Variants in EXOC4 observed in about 807,000 individuals in gnomAD.
EXOC4 encodes the protein SEC8-like 1.
In EXOC4, 71 loss-of-function variants were observed where a neutral mutation model predicts 107.2. The observed-to-expected ratio is 0.66, with a 90% CI of 0.55 to 0.81. EXOC4 has a LOEUF of 0.81. Among genes scored for constraint, EXOC4 ranks in the 30% least tolerant of loss-of-function variants. The pLI is 0.00. For synonymous variants in EXOC4, 456 were observed against 441.2 expected, an observed-to-expected ratio of 1.03 and a Z score of -0.42; for missense variants, 1,108 against 1,189.6, an observed-to-expected ratio of 0.93 and a Z score of 1.01.
rs1467804111 is a variant in EXOC4, at chr7:133,677,640, G to A, written c.1514+47499G>A. ...TTAATTTCGCAAATATTTCTTAAAT[G>A]TTGGCTATGTGCAAAGAATTGTTTT... On this transcript the variant is annotated intron_variant, in intron 10 of 17. Transcript: ENST00000253861. Among the ~76,000 whole-genome samples, 4 of 152,166 alleles carry A rather than the reference G, an allele frequency of 2.6e-5. No homozygotes were observed. In the East Asian group the frequency reaches 7.7e-4, roughly 29 times the overall value.
At chr7:133,759,380 T>C (rs1411945144) in intron 10 of EXOC4, among the ~76,000 whole-genome samples, 1 of 152,206 alleles carries the variant, frequency 6.6e-6, no homozygotes, top group Non-Finnish European at 1.5e-5. Flanking sequence ...TACTAAATGA[T>C]GATGAGATGA....
chr7:133,903,817 C>A (rs1430108892), intron 12 of EXOC4, among the ~76,000 whole-genome samples: 2 of 152,096 alleles, frequency 1.3e-5, no homozygotes, highest in Non-Finnish European at 2.9e-5. Flanking sequence ...GGACCATGGA[C>A]TTTTATGAAG....
intron 7 of EXOC4, chr7:133,447,486 A>G (rs1448125346): frequency 6.6e-6 from 1 of 152,092 alleles, no homozygotes; most frequent in Non-Finnish European, 1.5e-5. Flanking sequence ...ACTTTTTTAT[A>G]TTCCTAGTAC....
chr7:133,990,245 G>T (rs1794219070), intron 14 of EXOC4, among the ~76,000 whole-genome samples: 2 of 150,788 alleles, frequency 1.3e-5, no homozygotes, highest in African/African-American at 4.9e-5. Flanking sequence ...GTGTATTTTT[G>T]TGCCCATTAA....
At chr7:133,432,873 A>G (rs1318371116) in intron 7 of EXOC4, among the ~76,000 whole-genome samples, 1 of 152,214 alleles carries the variant, frequency 6.6e-6, no homozygotes, top group African/African-American at 2.4e-5. Context: ...TGCCAATGTA[A>G]GGTAGACAGC....
At position 133,253,131 on chromosome 7, in the gene EXOC4, C is replaced by T. The variant is rs1688800670; in HGVS notation, c.30C>T (p.Tyr10=). Residue 10 remains tyrosine, a synonymous_variant, in exon 1 of 18, where the codon TAC becomes TAT. Coordinates refer to ENST00000253861, the MANE Select transcript of EXOC4 (RefSeq NM_021807.4). ...CGGCAGAAGCAGCTGGTGGGAAATA[C>T]AGAAGCACAGTCAGCAAAAGCAAAG... The part of the protein sequence containing the change: MAAEAAGGK[Y]RSTVSKSKDP... The T allele has an allele frequency of 1.2e-6, 2 of 1,614,088 alleles. No individual in the cohort carries two copies. The highest frequency in any genetic ancestry group is 1.1e-5 in the South Asian group (1 of 91,090).
intron 17 of EXOC4, among the ~76,000 whole-genome samples, chr7:134,052,902 G>C (rs138491406): frequency 6.6e-5 from 10 of 152,168 alleles, no homozygotes; most frequent in South Asian, 2.1e-4. Context: ...ATCTCCCCCC[G>C]GAGTTACATC....
rs73726556 is a variant in EXOC4 at position 133,932,933 on chromosome 7, A to G, written c.2028-4958A>G. Among the ~76,000 whole-genome samples the G allele has an allele frequency of 4.5e-5, 6 of 133,744 alleles. No individual in the cohort carries two copies. The South Asian group carries it at 1.0e-3, about 22-fold the overall frequency. The allele number at this position is 133,744 out of a possible 152,430, so 87.7% of individuals were successfully genotyped here. On this transcript the variant is annotated intron_variant, in intron 13 of 17. Coordinates refer to ENST00000253861, the MANE Select transcript of EXOC4 (RefSeq NM_021807.4). ...CCAGGAGAGAGAGAGAGAGAGAGAG[A>G]GGGAGAGAAAATAAATAAAATGTGA...
intron 9 of EXOC4, among the ~76,000 whole-genome samples, chr7:133,543,514 C>T (rs1800421452): frequency 6.6e-6 from 1 of 152,062 alleles, no homozygotes; most frequent in African/African-American, 2.4e-5. Context: ...CTCATCCATC[C>T]TTCATACAAC....
chr7:133,529,974 A>G (rs760120018), intron 9 of EXOC4, among the ~76,000 whole-genome samples: 8 of 152,178 alleles, frequency 5.3e-5, no homozygotes, highest in Non-Finnish European at 1.2e-4. Flanking sequence ...TGCCAGCCAC[A>G]TACATGCGTT....
At chr7:133,790,208 G>T (rs1279182049) in intron 10 of EXOC4, among the ~76,000 whole-genome samples, 1 of 152,214 alleles carries the variant, frequency 6.6e-6, no homozygotes, top group Non-Finnish European at 1.5e-5. Flanking sequence ...GGAGAAACAA[G>T]CTTTTTTAGG....
the EXOC4 span, among the ~76,000 whole-genome samples, chr7:134,081,241 G>A: frequency 6.6e-6 from 1 of 152,170 alleles, no homozygotes; most frequent in African/African-American, 2.4e-5. Flanking sequence ...TACTCAGGAG[G>A]CTGAGGCGGG....
chr7:133,604,703 CTTCT>C lies in EXOC4; in HGVS notation c.1418-25335_1418-25332del, dbSNP rs1434947817. On this transcript the variant is annotated intron_variant, in intron 9 of 17. Transcript: ENST00000253861. ...TTCTTTTTCTTTCCTTCCTTCCTTC[CTTCT>C]TTCTTTTTTTTTTTTTTTTTTTTTT... Among the ~76,000 whole-genome samples, 278 of 108,414 alleles carry C rather than the reference CTTCT, an allele frequency of 2.6e-3. 18 individuals carry two copies. Among genetic ancestry groups the C allele is most frequent in the African/African-American group, 9.2e-3 (247 of 26,718 alleles). 71.1% of individuals were successfully genotyped at this position (108,414 alleles called of 152,430 possible).
chr7:133,929,949 C>A (rs1800139731), intron 13 of EXOC4, among the ~76,000 whole-genome samples: 1 of 152,114 alleles, frequency 6.6e-6, no homozygotes. Flanking sequence ...CTGCTCTGAA[C>A]AGATTTCAAT....
chr7:133,857,420 G>A (rs1377577744), intron 11 of EXOC4, among the ~76,000 whole-genome samples: 4 of 125,230 alleles, frequency 3.2e-5, no homozygotes, highest in South Asian at 2.5e-4. Flanking sequence ...AGGATCCTTC[G>A]GGTGTCACTT....
chr7:133,571,266 A>T (rs6970426), intron 9 of EXOC4, among the ~76,000 whole-genome samples: 56,272 of 152,114 alleles, frequency 0.37, 11,407 homozygotes, highest in African/African-American at 0.54. Context: ...TGATCAAATG[A>T]CATCAGACAG....
intron 17 of EXOC4, among the ~76,000 whole-genome samples, chr7:134,051,622 A>G (rs1795791028): frequency 1.3e-5 from 2 of 149,614 alleles, no homozygotes; most frequent in Non-Finnish European, 3.0e-5. Flanking sequence ...CAGTGAGCCG[A>G]GATCGCGCCG....
At chr7:133,687,589 G>A (rs1794333982) in intron 10 of EXOC4, among the ~76,000 whole-genome samples, 1 of 151,838 alleles carries the variant, frequency 6.6e-6, no homozygotes. Context: ...CTTAGTTTTG[G>A]TCAGTCAGGG....
chr7:134,054,645 C>T (rs1464975003), intron 17 of EXOC4, among the ~76,000 whole-genome samples: 6 of 152,184 alleles, frequency 3.9e-5, no homozygotes, highest in African/African-American at 1.4e-4. Flanking sequence ...GTTGACTTGC[C>T]GTTCTCATTA....
Sources: allele counts gnomAD v4.1 joint callset (sites outside exome capture counted in the v4.1 genomes callset), GRCh38; gene constraint gnomAD v4.1.1; transcripts MANE v1.5; gene names NCBI Gene and HGNC (gene_info 2026-07-23, HGNC 2026-07-21).